GOLGA1: variants seen among roughly 807,000 people sequenced by gnomAD.
GOLGA1 encodes the protein golgin subfamily A member 1.
A neutral mutation model predicts 119.7 loss-of-function variants in GOLGA1; 63 were observed. The observed-to-expected ratio is 0.53, with a 90% CI of 0.43 to 0.65. The LOEUF is 0.65. Among genes scored for constraint, GOLGA1 ranks in the 30% least tolerant of loss-of-function variants. The probability of loss-of-function intolerance (pLI) is 0.00; values close to 1 mark genes in which losing one functional copy is unlikely to be tolerated. For synonymous variants in GOLGA1, 318 were observed against 333.4 expected (o/e 0.95, Z 0.50); for missense variants, 798 against 912.8 (o/e 0.87, Z 1.62).
At chr9:124,938,537 C>G in intron 3 of GOLGA1, 40 bp downstream of exon 3, 1 of 1,529,218 alleles carries the variant, frequency 6.5e-7, no homozygotes, top group Non-Finnish European at 9.0e-7. Flanking sequence ...GGAAGAATAC[C>G]CTGCAAAAGT....
intron 10 of GOLGA1, among the ~76,000 whole-genome samples, chr9:124,918,601 TAAA>T (rs2131476353): frequency 6.6e-6 from 1 of 151,808 alleles, no homozygotes; most frequent in South Asian, 2.1e-4. Context: ...CTGTCTCTAC[TAAA>T]AATACAAAAA....
chr9:124,908,145 TC>T lies in GOLGA1; in HGVS notation c.1065+231del, dbSNP rs199721286. Reference sequence around the variant, plus strand: ...CTATATGAACCACAACGGAATGGTATCCTATGGGAGGGAGGCCAATGGGGAT... The same window carrying T: ...CTATATGAACCACAACGGAATGGTATCTATGGGAGGGAGGCCAATGGGGAT... On this transcript the variant is annotated intron_variant, in intron 12 of 22. Coordinates refer to ENST00000373555, the MANE Select transcript of GOLGA1 (RefSeq NM_002077.4). 1.6e-4 allele frequency among the ~76,000 whole-genome samples: 25 copies of T among 152,322 alleles called. No individual in the cohort carries two copies. The East Asian group carries it at 4.4e-3, about 27-fold the overall frequency.
At chr9:124,893,638 G>A (rs897197216) in intron 15 of GOLGA1, among the ~76,000 whole-genome samples, 2 of 152,142 alleles carry the variant, frequency 1.3e-5, no homozygotes, top group Non-Finnish European at 2.9e-5. Flanking sequence ...TACTCCTAGC[G>A]TGTAGTCCTG....
chr9:124,880,623 CAG>C lies in GOLGA1; in HGVS notation c.2224-15_2224-14del, dbSNP rs759533523. 29 of 1,556,376 alleles carry C rather than the reference CAG, an allele frequency of 1.9e-5. No individual in the cohort carries two copies. In the South Asian group the frequency reaches 2.7e-4, roughly 14 times the overall value. On this transcript the variant is annotated splice_polypyrimidine_tract_variant and intron_variant, in intron 22 of 22. Coordinates refer to ENST00000373555, the MANE Select transcript of GOLGA1 (RefSeq NM_002077.4). ...CAAACCATGACATCTGCATTTGAAA[CAG>C]AAAAGGCTTCTGAGATGCAAATCAG...
At chr9:124,908,135 C>T (rs1038482251) in intron 12 of GOLGA1, among the ~76,000 whole-genome samples, 4 of 152,164 alleles carry the variant, frequency 2.6e-5, no homozygotes, top group African/African-American at 9.7e-5. Context: ...TGAACCACAA[C>T]GGAATGGTAT....
chr9:124,911,088 G>T (rs1830330473), intron 11 of GOLGA1, among the ~76,000 whole-genome samples: 1 of 152,180 alleles, frequency 6.6e-6, no homozygotes, highest in African/African-American at 2.4e-5. Flanking sequence ...GAAGGGAATT[G>T]TAGAAGATGT....
intron 7 of GOLGA1, among the ~76,000 whole-genome samples, chr9:124,925,207 T>C (rs1292314571): frequency 6.6e-6 from 1 of 152,110 alleles, no homozygotes. Context: ...CCTATATGGA[T>C]ACCCTTTACC....
In GOLGA1 at chr9:124,899,472, C is replaced by T. The variant is rs188238914; in HGVS notation, c.1168G>A (p.Ala390Thr). 5.6e-5 allele frequency: 86 copies of T among 1,545,120 alleles called. No homozygotes were observed. In the Admixed American group the frequency reaches 7.4e-4, roughly 13 times the overall value. Residue 390 changes from alanine to threonine, a missense_variant, in exon 14 of 23, where the codon GCC becomes ACC. By Grantham distance (58) the Ala-to-Thr change is moderately conservative (BLOSUM62 0). Transcript: ENST00000373555. ...QETQIQELAA[A>T]NQESSHVQQQ... The stretch of plus-strand genomic sequence containing the variant: ...TGCACATGGCTGCTCTCCTGGTTGG[C>T]GGCAGCCTGCGGGGAGACCAAAGGA...
chr9:124,917,857 A>T (rs78012450), intron 10 of GOLGA1, among the ~76,000 whole-genome samples: 4,465 of 151,610 alleles, frequency 0.029, 206 homozygotes, highest in East Asian at 0.23. Flanking sequence ...ATATATATAT[A>T]TATTTTTTTT....
At chr9:124,887,256 G>T (rs1476184956) in intron 19 of GOLGA1, among the ~76,000 whole-genome samples, 1 of 152,184 alleles carries the variant, frequency 6.6e-6, no homozygotes, top group African/African-American at 2.4e-5. Flanking sequence ...GAAACTGTGG[G>T]GTTGAGCAAT....
rs557337854 is a variant in GOLGA1 at position 124,878,380 on chromosome 9, G to T, written c.*2150C>A. The T allele has an allele frequency of 2.6e-5, 4 of 152,640 alleles. No homozygotes were observed. The South Asian group carries it at 8.3e-4, about 32-fold the overall frequency. The allele number at this position is 152,640 out of a possible 1,614,324, so 9.5% of individuals were successfully genotyped here. The stretch of plus-strand genomic sequence containing the variant: ...AATCCATTGTAGTTGCATCTGGATT[G>T]AAGAGCTTTAATCAAAAAGTGTATT... On this transcript the variant is annotated 3_prime_UTR_variant, in exon 23 of 23. Coordinates refer to ENST00000373555, the MANE Select transcript of GOLGA1 (RefSeq NM_002077.4).
At chr9:124,918,512 C>T (rs924259493) in intron 10 of GOLGA1, among the ~76,000 whole-genome samples, 2 of 152,156 alleles carry the variant, frequency 1.3e-5, no homozygotes, top group African/African-American at 2.4e-5. Context: ...TGCCTGTAAT[C>T]CCAGCACTTT....
At chr9:124,895,086 C>T (rs1215751907) in intron 15 of GOLGA1, among the ~76,000 whole-genome samples, 2 of 151,570 alleles carry the variant, frequency 1.3e-5, no homozygotes, top group Non-Finnish European at 2.9e-5. Context: ...CAACAAAGAA[C>T]CACCCACAAC....
intron 15 of GOLGA1, among the ~76,000 whole-genome samples, chr9:124,892,881 G>A (rs952532579): frequency 5.4e-5 from 8 of 147,412 alleles, no homozygotes; most frequent in African/African-American, 1.0e-4. Flanking sequence ...GCAGTGAGCC[G>A]AGATCACGCC....
At chr9:124,903,589 T>C (rs973354045) in intron 12 of GOLGA1, among the ~76,000 whole-genome samples, 19 of 143,480 alleles carry the variant, frequency 1.3e-4, no homozygotes, top group African/African-American at 4.7e-4. Flanking sequence ...AGCCCAGGAA[T>C]TGGAGACCTG....
At chr9:124,896,523 T>A (rs543477257) in intron 15 of GOLGA1, among the ~76,000 whole-genome samples, 63 of 152,358 alleles carry the variant, frequency 4.1e-4, no homozygotes, top group African/African-American at 1.4e-3. Context: ...CTGGCCTAGA[T>A]TCCTAAAAAG....
chr9:124,889,357 T>C lies in GOLGA1; in HGVS notation c.1601-54A>G, dbSNP rs1431200454. The C allele has an allele frequency of 5.2e-5, 83 of 1,601,332 alleles. 1 individual carries two copies. The highest frequency in any genetic ancestry group is 5.1e-6 in the Non-Finnish European group (6 of 1,168,640). ...TGTGAGCCCAGTGACTCCATGCTGC[T>C]TGGTGGCAAGGCCGTCACAAGGCAG... On this transcript the variant is annotated intron_variant, in intron 17 of 22. Transcript: ENST00000373555.
intron 15 of GOLGA1, among the ~76,000 whole-genome samples, chr9:124,894,234 G>A (rs949970387): frequency 7.2e-5 from 11 of 152,048 alleles, no homozygotes; most frequent in Non-Finnish European, 1.0e-4. Context: ...CTTCTCTGTC[G>A]GCCCCTCCTT....
intron 16 of GOLGA1, 61 bp from the exon 17 acceptor site, chr9:124,889,597 A>G: frequency 9.2e-7 from 1 of 1,081,558 alleles, no homozygotes; most frequent in South Asian, 1.2e-5. Flanking sequence ...TTCCCACAGA[A>G]ATCTCCACTT....
Sources: allele counts gnomAD v4.1 joint callset (sites outside exome capture counted in the v4.1 genomes callset), GRCh38; gene constraint gnomAD v4.1.1; transcripts MANE v1.5; gene names NCBI Gene and HGNC (gene_info 2026-07-23, HGNC 2026-07-21).